The following CD99L2 variants were observed in gnomAD, a reference collection of about 807,000 sequenced individuals.
CD99L2 encodes the protein CD99 molecule like 2, also known as CD99 antigen-like protein 2.
Under a neutral mutation model 27.3 loss-of-function variants are expected in CD99L2, and 24 were observed. The ratio of observed to expected loss-of-function variants is 0.88; its 90% confidence interval spans 0.64 to 1.24. The LOEUF (loss-of-function observed/expected upper bound fraction) is 1.24. Ranked by LOEUF, CD99L2 falls within the 50% of genes most tolerant of loss-of-function variation. The probability of loss-of-function intolerance (pLI) is 0.00; values close to 1 mark genes in which losing one functional copy is unlikely to be tolerated. For missense variants in CD99L2, 255 were observed against 221.6 expected, an observed-to-expected ratio of 1.15 and a Z score of -0.96; for synonymous variants, 97 against 87.9, an observed-to-expected ratio of 1.10 and a Z score of -0.58.
chrX:150,827,814 T>C (rs891453292), intron 2 of CD99L2, among the ~76,000 whole-genome samples: 2 of 111,747 alleles, frequency 1.8e-5, no homozygotes, highest in Non-Finnish European at 3.8e-5. Context: ...TTTTTGTGTA[T>C]GGTGTGAGGT....
At chrX:150,840,163 T>C (rs1162935954) in intron 1 of CD99L2, among the ~76,000 whole-genome samples, 2 of 104,316 alleles carry the variant, frequency 1.9e-5, no homozygotes, top group African/African-American at 7.1e-5. Flanking sequence ...GACAATGCCA[T>C]TGCACTCCAT....
At position 150,881,815 on chromosome X, in the gene CD99L2, A is replaced by ATTT. The variant is rs59133869; in HGVS notation, c.67+16704_67+16706dup. On this transcript the variant is annotated intron_variant, in intron 1 of 10. Transcript: ENST00000370377. ...TTTGTACCTGACAGTACTCTTTCCAATTTTTTTTTTTTTTTTTTTTGAGAC... is the reference window on the plus strand; with the variant it reads ...TTTGTACCTGACAGTACTCTTTCCAATTTTTTTTTTTTTTTTTTTTTTTGAGAC... 3.9e-3 allele frequency among the ~76,000 whole-genome samples: 350 copies of ATTT among 89,368 alleles called. 1 individual carries two copies. Among genetic ancestry groups the ATTT allele is most frequent in the Non-Finnish European group, 4.8e-3 (221 of 45,685 alleles). The allele number at this position is 89,368 out of a possible 115,157, so 77.6% of individuals were successfully genotyped here.
intron 10 of CD99L2, 60 bp from the exon 11 acceptor site, chrX:150,769,161 T>C (rs1557418858): frequency 9.1e-7 from 1 of 1,103,546 alleles, no homozygotes; most frequent in East Asian, 3.5e-5. Context: ...AAGAAGCAAA[T>C]ACAGCAGCAA....
rs782674441 is a variant in CD99L2 at position 150,770,331 on chromosome X, C to T, written c.694G>A (p.Glu232Lys). Residue 232 changes from glutamate to lysine, a missense_variant, in exon 10 of 11, where the codon GAA (glutamate) becomes AAA (lysine). By Grantham distance (56) the Glu-to-Lys change is moderately conservative (BLOSUM62 1). Coordinates refer to ENST00000370377, the MANE Select transcript of CD99L2 (RefSeq NM_031462.4). ...NADYVKGENLEAVVCEEPQVK... is the reference protein window; with the variant it reads ...NADYVKGENLKAVVCEEPQVK... ...TGGGGTTCCTCACATACCACGGCTT[C>T]CAGGTTCTCTCCCTTCACGTAGTCT... is the stretch of plus-strand genomic sequence containing the variant. The T allele has an allele frequency of 7.4e-6, 9 of 1,210,590 alleles. No homozygotes were observed. The South Asian group carries it at 1.2e-4, about 17-fold the overall frequency.
intron 4 of CD99L2, among the ~76,000 whole-genome samples, chrX:150,813,618 TG>T (rs2046105491): frequency 8.9e-6 from 1 of 111,803 alleles, no homozygotes; most frequent in Non-Finnish European, 1.9e-5. Flanking sequence ...ATGTTTTAAT[TG>T]TATGAGAGCA....
At chrX:150,858,586 A>C (rs1418634357) in intron 1 of CD99L2, among the ~76,000 whole-genome samples, 1 of 112,265 alleles carries the variant, frequency 8.9e-6, no homozygotes, top group African/African-American at 3.2e-5. Context: ...ATTAAACAAT[A>C]TGCTCCTGAC....
chrX:150,798,046 AAAG>A (rs202207147), intron 4 of CD99L2, among the ~76,000 whole-genome samples: 3,697 of 91,561 alleles, frequency 0.04, 205 homozygotes, highest in African/African-American at 0.12. Context: ...CGTCAAAAAA[AAAG>A]AAGAAGAAGA....
At chrX:150,783,819 C>T (rs1425886668) in intron 7 of CD99L2, among the ~76,000 whole-genome samples, 2 of 111,483 alleles carry the variant, frequency 1.8e-5, no homozygotes, top group Admixed American at 9.5e-5. Context: ...CCTTTAGACC[C>T]GGAAGGAGAA....
intron 1 of CD99L2, among the ~76,000 whole-genome samples, chrX:150,867,346 G>A (rs2047077582): frequency 9.0e-6 from 1 of 111,590 alleles, no homozygotes; most frequent in African/African-American, 3.3e-5. Context: ...GGAAGCAAAG[G>A]TTGTAGTGAG....
At chrX:150,849,981 C>T (rs1221371855) in intron 1 of CD99L2, among the ~76,000 whole-genome samples, 1 of 111,712 alleles carries the variant, frequency 9.0e-6, no homozygotes, top group East Asian at 2.8e-4. Context: ...TAATACTACG[C>T]AAAATAAAAT....
At chrX:150,810,094 C>T (rs1454365820) in intron 4 of CD99L2, among the ~76,000 whole-genome samples, 1 of 112,030 alleles carries the variant, frequency 8.9e-6, no homozygotes, top group African/African-American at 3.2e-5. Flanking sequence ...CTGACCAATA[C>T]AATAACTATC....
chrX:150,895,382 T>C (rs1470311694), intron 1 of CD99L2, among the ~76,000 whole-genome samples: 1 of 111,758 alleles, frequency 8.9e-6, no homozygotes, highest in African/African-American at 3.3e-5. Context: ...AGAACAAAGA[T>C]AACTTGTTAA....
At chrX:150,793,444 A>G (rs1238798991) in intron 7 of CD99L2, among the ~76,000 whole-genome samples, 2 of 112,394 alleles carry the variant, frequency 1.8e-5, no homozygotes, top group Non-Finnish European at 3.8e-5. Flanking sequence ...TTCAGCCAGC[A>G]TGAAACGTTA....
intron 2 of CD99L2, among the ~76,000 whole-genome samples, chrX:150,817,324 A>G (rs1219905697): frequency 1.8e-5 from 2 of 111,339 alleles, no homozygotes; most frequent in Non-Finnish European, 3.8e-5. Context: ...AATAAAGACA[A>G]TGAGCTAATT....
At chrX:150,885,442 T>C (rs1439153511) in intron 1 of CD99L2, among the ~76,000 whole-genome samples, 1 of 112,091 alleles carries the variant, frequency 8.9e-6, no homozygotes, top group Non-Finnish European at 1.9e-5. Flanking sequence ...TCTATATCTG[T>C]TATATTTCAC....
chrX:150,793,627 G>A (rs961913040), intron 7 of CD99L2, 64 bp downstream of exon 7: 15 of 955,099 alleles, frequency 1.6e-5, no homozygotes, highest in Middle Eastern at 2.7e-4. Context: ...AATTAATCTG[G>A]TTGCTGCATA....
intron 2 of CD99L2, among the ~76,000 whole-genome samples, chrX:150,824,496 G>A (rs868952753): frequency 1.1e-4 from 8 of 72,861 alleles, no homozygotes; most frequent in South Asian, 9.0e-4. Flanking sequence ...AGAAGAAGAA[G>A]AAAGAAGAAG....
rs1569565838 is a variant in CD99L2 at position 150,769,720 on chromosome X, T to TGA, written c.721+583_721+584insTC. Among the ~76,000 whole-genome samples the TGA allele has an allele frequency of 3.6e-4, 38 of 106,320 alleles. 1 individual carries two copies. The East Asian group carries it at 0.013, about 36-fold the overall frequency. The allele number at this position is 106,320 out of a possible 115,157, so 92.3% of individuals were successfully genotyped here. A position where few individuals can be genotyped will look rare whatever the true frequency, so the allele number is the denominator to read the frequency against. ...GCTGCTCCCCGACCCCAGCAAGCCT[T>TGA]TCCGGACCTCCTCATTGGCATCCCG... On this transcript the variant is annotated intron_variant, in intron 10 of 10. Transcript: ENST00000370377.
At chrX:150,890,843 A>G (rs782626486) in intron 1 of CD99L2, among the ~76,000 whole-genome samples, 1 of 113,332 alleles carries the variant, frequency 8.8e-6, no homozygotes, top group East Asian at 2.8e-4. Context: ...AGGCCTCTGG[A>G]GACAGCCAGT....
Sources: allele counts gnomAD v4.1 joint callset (sites outside exome capture counted in the v4.1 genomes callset), GRCh38; gene constraint gnomAD v4.1.1; transcripts MANE v1.5; gene names NCBI Gene and HGNC (gene_info 2026-07-23, HGNC 2026-07-21).